HMCN1: variants seen among roughly 807,000 people sequenced by gnomAD.
The protein encoded by HMCN1 is hemicentin 1.
HMCN1 carries 321 observed loss-of-function variants against 625.9 expected under a neutral mutation model. The observed-to-expected ratio is 0.51, with a 90% CI of 0.47 to 0.56. The LOEUF is 0.56. Ranked by LOEUF, HMCN1 falls within the 20% of genes least tolerant of loss-of-function variation. HMCN1 has a pLI of 0.00. For synonymous variants in HMCN1, 2,425 were observed against 2,417.6 expected (o/e 1.00, Z -0.09); for missense variants, 6,588 against 6,887.3 (o/e 0.96, Z 1.54).
rs1356295664 is a variant in HMCN1 at position 186,032,048 on chromosome 1, AC to A, written c.5750-5885del. Among the ~76,000 whole-genome samples the A allele has an allele frequency of 3.3e-5, 5 of 151,968 alleles. No individual in the cohort carries two copies. In the South Asian group the frequency reaches 6.2e-4, roughly 19 times the overall value. On this transcript the variant is annotated intron_variant, in intron 36 of 106. Transcript: ENST00000271588. Reference sequence around the variant, plus strand: ...ATATAGTATTTGTTACAAAAAAAAAACAAAAATAAATAAATGGGATGAATTA... The same window carrying A: ...ATATAGTATTTGTTACAAAAAAAAAAAAAAATAAATAAATGGGATGAATTA...
At chr1:185,894,798 C>G (rs1026829579) in intron 4 of HMCN1, among the ~76,000 whole-genome samples, 2 of 152,120 alleles carry the variant, frequency 1.3e-5, no homozygotes, top group African/African-American at 4.8e-5. Flanking sequence ...TTATAGAAGA[C>G]AAGTACTTTA....
rs185735174 is a variant in HMCN1 at position 185,734,640 on chromosome 1, C to G, written c.-140C>G. The G allele has an allele frequency of 2.5e-6, 2 of 811,302 alleles. No individual in the cohort carries two copies. The highest frequency in any genetic ancestry group is 4.9e-5 in the East Asian group (2 of 40,832). The allele number at this position is 811,302 out of a possible 1,614,324, so 50.3% of individuals were successfully genotyped here. The stretch of plus-strand genomic sequence containing the variant: ...TTGGTGCTTGTCCCCGTCTGATTCT[C>G]AGCGCCAAACTTTTTGCTAGTTCAG... On this transcript the variant is annotated 5_prime_UTR_variant, in exon 1 of 107. Coordinates refer to ENST00000271588, the MANE Select transcript of HMCN1 (RefSeq NM_031935.3).
In HMCN1 at chr1:186,018,513, T is replaced by C. The variant is rs1654513839; in HGVS notation, c.5470+161T>C. Among the ~76,000 whole-genome samples the C allele has an allele frequency of 2.0e-5, 3 of 152,196 alleles. No homozygotes were observed. The South Asian group carries it at 6.2e-4, about 32-fold the overall frequency. ...GTTGTATGCCAGAATTTTTAGTTAC[T>C]TTATTGACCCAGAGACTCAACCAAG... On this transcript the variant is annotated intron_variant, in intron 34 of 106. Transcript: ENST00000271588.
intron 52 of HMCN1, among the ~76,000 whole-genome samples, chr1:186,072,863 G>A (rs115331663): frequency 0.015 from 2,328 of 152,274 alleles, 62 homozygotes; most frequent in African/African-American, 0.054. Flanking sequence ...ACGGAAAGCC[G>A]ACTGGGAAAT....
rs1037669243 is a variant in HMCN1 at position 185,952,222 on chromosome 1, G to C, written c.1829-10296G>C. Among the ~76,000 whole-genome samples, 5 of 151,960 alleles carry C rather than the reference G, an allele frequency of 3.3e-5. 1 individual carries two copies. Among genetic ancestry groups the C allele is most frequent in the South Asian group, 2.1e-4 (1 of 4,828 alleles). ...TTTAAGGGTAAATTGCTGGGCAGGA[G>C]GGGGAGGGCTAGTCACGGAATGAAA... On this transcript the variant is annotated intron_variant, in intron 11 of 106. Coordinates refer to ENST00000271588, the MANE Select transcript of HMCN1 (RefSeq NM_031935.3).
chr1:185,740,864 C>T (rs566926729), intron 1 of HMCN1, among the ~76,000 whole-genome samples: 10 of 152,050 alleles, frequency 6.6e-5, no homozygotes, highest in South Asian at 4.1e-4. Context: ...CATGGTGGCA[C>T]GTGCCTATAG....
chr1:186,158,613 T>C (rs1651205419), intron 97 of HMCN1, among the ~76,000 whole-genome samples: 2 of 152,170 alleles, frequency 1.3e-5, no homozygotes, highest in Non-Finnish European at 2.9e-5. Context: ...GATTTTTGTA[T>C]AAGGTGTAAG....
At chr1:185,982,441 CTTTTT>C in intron 18 of HMCN1, 52 bp downstream of exon 18, 3 of 1,227,380 alleles carry the variant, frequency 2.4e-6, no homozygotes, top group Non-Finnish European at 2.3e-6. Flanking sequence ...GTTTTCTTTT[CTTTTT>C]TTTTTTTTTT....
At chr1:186,103,764 A>T in intron 69 of HMCN1, 96 bp downstream of exon 69, 1 of 1,008,364 alleles carries the variant, frequency 9.9e-7, no homozygotes, top group Non-Finnish European at 1.5e-6. Context: ...GAATCCTTAT[A>T]TATCACAGAT....
At chr1:186,116,631 G>A (rs555223128) in intron 75 of HMCN1, among the ~76,000 whole-genome samples, 50 of 152,082 alleles carry the variant, frequency 3.3e-4, no homozygotes, top group Admixed American at 3.3e-4. Context: ...ATGGTGCCTG[G>A]AGTGTATCTG....
intron 4 of HMCN1, among the ~76,000 whole-genome samples, chr1:185,878,534 AT>A (rs1239996206): frequency 6.6e-6 from 1 of 152,008 alleles, no homozygotes; most frequent in East Asian, 1.9e-4. Flanking sequence ...TTGTTTATGT[AT>A]TTAGTGATTT....
At position 185,994,937 on chromosome 1, in the gene HMCN1, A is replaced by T. The variant is rs1652683351; in HGVS notation, c.3628A>T (p.Thr1210Ser). 1 of 1,613,934 alleles carries T rather than the reference A, an allele frequency of 6.2e-7. No individual in the cohort carries two copies. Among genetic ancestry groups the T allele is most frequent in the Non-Finnish European group, 8.5e-7 (1 of 1,179,858 alleles). The change falls in exon 24 of 107, where the codon ACT becomes TCT. Residue 1210 changes from threonine to serine, a missense_variant. Around this residue, in one of 3 missense-constraint regions of HMCN1, gnomAD observed 4,628 missense variants for 4,853.1 expected, o/e 0.95. Transcript: ENST00000271588. ...PVITWSKGGS[T>S]MLVDGEHHVS... The stretch of plus-strand genomic sequence containing the variant: ...AATCACCTGGTCCAAAGGTGGAAGC[A>T]CTATGCTGGTTGATGGAGAGCACCA...
chr1:186,163,117 G>A (rs111859102), intron 97 of HMCN1, among the ~76,000 whole-genome samples: 3,202 of 152,276 alleles, frequency 0.021, 94 homozygotes, highest in African/African-American at 0.067. Flanking sequence ...AATGGCGGGC[G>A]CCCCTCCCCC....
intron 52 of HMCN1, among the ~76,000 whole-genome samples, chr1:186,074,204 A>G (rs1034774247): frequency 2.1e-5 from 3 of 141,822 alleles, no homozygotes; most frequent in African/African-American, 8.4e-5. Flanking sequence ...GTAAGTTAAT[A>G]TCCTATTTTA....
At chr1:186,017,334 A>T (rs1036709079) in intron 33 of HMCN1, among the ~76,000 whole-genome samples, 2 of 152,060 alleles carry the variant, frequency 1.3e-5, no homozygotes, top group African/African-American at 2.4e-5. Context: ...TGGTATAGAA[A>T]TTACATATTT....
chr1:185,864,625 A>G lies in HMCN1; in HGVS notation c.495A>G (p.Ser165=), dbSNP rs547284871. 6.2e-7 allele frequency: 1 copy of G among 1,613,938 alleles called. No individual in the cohort carries two copies. Among genetic ancestry groups the G allele is most frequent in the South Asian group, 1.1e-5 (1 of 91,048 alleles). ...TGCAACTTATCCAACAGAAACAGTC[A>G]CAAGTGAGTAAGAATCAACCCCAAA... ...EVLQLIQQKQ[S]QVVFVLTGDC... The change falls in exon 3 of 107, where the codon TCA becomes TCG. Residue 165 remains serine, a synonymous_variant. Coordinates refer to ENST00000271588, the MANE Select transcript of HMCN1 (RefSeq NM_031935.3).
At chr1:185,736,049 T>C (rs2102058401) in intron 1 of HMCN1, among the ~76,000 whole-genome samples, 1 of 152,318 alleles carries the variant, frequency 6.6e-6, no homozygotes, top group East Asian at 1.9e-4. Context: ...ACAACGAGAG[T>C]GTGATATCGG....
At chr1:186,122,916 T>A in intron 80 of HMCN1, 35 bp from the exon 81 acceptor site, 1 of 1,607,266 alleles carries the variant, frequency 6.2e-7, no homozygotes, top group Non-Finnish European at 8.5e-7. Flanking sequence ...GCTTCTAAGA[T>A]AAAGTTTGAA....
chr1:186,153,958 G>A lies in HMCN1; in HGVS notation c.15227G>A (p.Gly5076Asp), dbSNP rs1571428218. 6.2e-7 allele frequency: 1 copy of A among 1,613,778 alleles called. No homozygotes were observed. Among genetic ancestry groups the A allele is most frequent in the East Asian group, 2.2e-5 (1 of 44,860 alleles). ...TATAACCAGATAGAAGAGACACTGGGTTTTAAAATTCATGCTTCAATATCC... is the reference window on the plus strand; with the variant it reads ...TATAACCAGATAGAAGAGACACTGGATTTTAAAATTCATGCTTCAATATCC... ...SDYNQIEETL[G>D]FKIHASISKG... Residue 5076 changes from glycine (G) to aspartate (D), a missense_variant, in exon 97 of 107, where the codon GGT becomes GAT. Gly to Asp is a moderately conservative substitution (Grantham distance 94, BLOSUM62 -1). This residue lies in a region of HMCN1 where 1,954 missense variants were observed against 2,013.1 expected (regional missense o/e 0.97). Transcript: ENST00000271588.
Sources: gnomAD v4.1 joint callset for allele counts (sites outside exome capture counted in the v4.1 genomes callset) on GRCh38, gnomAD v4.1.1 for gene constraint, gnomAD v4.1.1 regional missense constraint, MANE v1.5 for transcripts, NCBI Gene and HGNC (gene_info 2026-07-23, HGNC 2026-07-21) for gene names.